Variants in ZNF682 observed in about 807,000 individuals in gnomAD.
ZNF682 encodes zinc finger protein 682.
A neutral mutation model predicts 36.5 loss-of-function variants in ZNF682; 29 were observed. The ratio of observed to expected loss-of-function variants is 0.80; its 90% CI spans 0.59 to 1.08. The LOEUF is 1.08. Among genes scored for constraint, ZNF682 ranks in the 50% least tolerant of loss-of-function variants. The probability of loss-of-function intolerance (pLI) is 0.00; values close to 1 mark genes in which losing one functional copy is unlikely to be tolerated. For synonymous variants in ZNF682, 180 were observed against 197.0 expected, an observed-to-expected ratio of 0.91 and a Z score of 0.72; for missense variants, 561 against 579.7, an observed-to-expected ratio of 0.97 and a Z score of 0.33.
chr19:20,024,373 G>C lies in ZNF682; in HGVS notation c.7C>G (p.Leu3Val), dbSNP rs749391900. Residue 3 changes from leucine (L) to valine (V), a missense_variant, in exon 2 of 4, where the codon CTG becomes GTG. Physicochemically the swap from Leu to Val is conservative, Grantham distance 32. Coordinates refer to ENST00000397165, the MANE Select transcript of ZNF682 (RefSeq NM_033196.3). ME[L>V]LTFRDVTIEF... The stretch of plus-strand genomic sequence containing the variant: ...ATGGTCACATCCCTGAATGTCAACA[G>C]TTCCTGAAAAACAAAACAAAACATA... The C allele has an allele frequency of 1.2e-6, 2 of 1,606,446 alleles. No individual in the cohort carries two copies. The highest frequency in any genetic ancestry group is 2.7e-5 in the African/African-American group (2 of 74,408).
At chr19:20,039,276 C>A in intron 1 of ZNF682, 67 bp downstream of exon 1, 2 of 1,601,880 alleles carry the variant, frequency 1.2e-6, no homozygotes, top group Non-Finnish European at 1.7e-6. Flanking sequence ...AGTCCCGTCA[C>A]TGCCGGTTCC....
chr19:20,010,825 C>T (rs890492126), intron 3 of ZNF682, among the ~76,000 whole-genome samples: 6 of 150,500 alleles, frequency 4.0e-5, no homozygotes, highest in East Asian at 3.9e-4. Context: ...ATTAGCTGGA[C>T]GTGGTGGTGT....
intron 3 of ZNF682, among the ~76,000 whole-genome samples, chr19:19,999,287 T>C (rs73924152): frequency 0.049 from 7,534 of 152,254 alleles, 636 homozygotes; most frequent in African/African-American, 0.17. Context: ...CTGTACTCCA[T>C]TGGACAGAAG....
intron 1 of ZNF682, among the ~76,000 whole-genome samples, chr19:20,024,654 A>G (rs1171786421): frequency 1.3e-5 from 2 of 152,194 alleles, no homozygotes; most frequent in East Asian, 3.9e-4. Context: ...CCTGGCCAAC[A>G]TGGTGAAACC....
intron 3 of ZNF682, among the ~76,000 whole-genome samples, chr19:20,016,539 G>T (rs2122341549): frequency 6.6e-6 from 1 of 151,936 alleles, no homozygotes; most frequent in African/African-American, 2.4e-5. Context: ...TTGTGGAACT[G>T]AATACAATAA....
At chr19:20,019,602 C>A (rs1599609932) in intron 3 of ZNF682, among the ~76,000 whole-genome samples, 1 of 152,002 alleles carries the variant, frequency 6.6e-6, no homozygotes, top group Admixed American at 6.6e-5. Flanking sequence ...ATATAAGGAA[C>A]TCATACAAAT....
chr19:19,997,675 C>T (rs796965072), intron 3 of ZNF682, among the ~76,000 whole-genome samples: 2 of 152,212 alleles, frequency 1.3e-5, no homozygotes, highest in Non-Finnish European at 2.9e-5. Flanking sequence ...AAAGAGCACA[C>T]CCCAAAAGGT....
intron 3 of ZNF682, among the ~76,000 whole-genome samples, chr19:20,021,235 G>A (rs1322350625): frequency 6.6e-6 from 1 of 152,206 alleles, no homozygotes; most frequent in Non-Finnish European, 1.5e-5. Context: ...TGCTCCATAT[G>A]CTTAAATTTT....
chr19:20,014,717 T>C (rs1234712946), intron 3 of ZNF682, among the ~76,000 whole-genome samples: 1 of 149,424 alleles, frequency 6.7e-6, no homozygotes, highest in Non-Finnish European at 1.5e-5. Context: ...GAGGCGGAGG[T>C]TGAAGTGAGC....
intron 3 of ZNF682, among the ~76,000 whole-genome samples, chr19:20,017,153 GA>G: frequency 6.6e-6 from 1 of 151,434 alleles, no homozygotes; most frequent in South Asian, 2.1e-4. Context: ...GGAAATGAGG[GA>G]AAACGTATTT....
At chr19:19,996,913 TAGAA>T (rs1206692922), downstream of ZNF682, 1 of 265,662 alleles carries the variant, frequency 3.8e-6, no homozygotes, top group Non-Finnish European at 7.0e-6. Context: ...CCCTAAATAA[TAGAA>T]AGCCCTGTGC....
chr19:20,039,086 G>A (rs993939026), intron 1 of ZNF682: 11 of 1,322,592 alleles, frequency 8.3e-6, no homozygotes, highest in Non-Finnish European at 9.8e-6. Flanking sequence ...ACGCAAGAAC[G>A]CGCGCGGCTC....
Position 20,024,316 on chromosome 19 carries a change from T to C in ZNF682, c.64A>G (p.Asn22Asp), listed in dbSNP as rs1342903691. The change falls in exon 2 of 4, where the codon AAC becomes GAC. Residue 22 changes from asparagine to aspartate, a missense_variant. Coordinates refer to ENST00000397165, the MANE Select transcript of ZNF682 (RefSeq NM_033196.3). The part of the protein sequence containing the change: ...EFSLEEWEFL[N>D]PAQQSLYRKV... ...CTATACAAACTCTGCTGAGCAGGGT[T>C]CAGAAACTCCCACTCCTCCAGAGAG... 4 of 1,614,024 alleles carry C rather than the reference T, an allele frequency of 2.5e-6. No individual in the cohort carries two copies. The highest frequency in any genetic ancestry group is 3.4e-6 in the Non-Finnish European group (4 of 1,179,936).
intron 3 of ZNF682, chr19:20,007,631 G>A (rs143483017): frequency 2.3e-4 from 45 of 194,448 alleles, no homozygotes; most frequent in Admixed American, 5.4e-4. Context: ...GGACCTCTGA[G>A]ATTCTCACTT....
chr19:20,028,516 C>T (rs1005533938), intron 1 of ZNF682, among the ~76,000 whole-genome samples: 1 of 152,088 alleles, frequency 6.6e-6, no homozygotes, highest in Admixed American at 6.6e-5. Flanking sequence ...CCAGTCAATT[C>T]TGCAGGCTTG....
At chr19:20,001,106 G>GA (rs2088165700), downstream of ZNF682, among the ~76,000 whole-genome samples, 2 of 152,314 alleles carry the variant, frequency 1.3e-5, no homozygotes, top group Non-Finnish European at 2.9e-5. Context: ...GTGGCAACTT[G>GA]GTTAGGTGGA....
downstream of ZNF682, among the ~76,000 whole-genome samples, chr19:19,999,449 G>C (rs1351143760): frequency 3.9e-5 from 6 of 152,120 alleles, no homozygotes; most frequent in African/African-American, 1.4e-4. Flanking sequence ...AAGTTGGTTG[G>C]AACTAATATG....
intron 3 of ZNF682, among the ~76,000 whole-genome samples, chr19:20,018,042 T>TA (rs2088349756): frequency 6.6e-6 from 1 of 151,732 alleles, no homozygotes; most frequent in African/African-American, 2.4e-5. Flanking sequence ...TTTTTATTTT[T>TA]TTTTTTTGCA....
chr19:20,013,643 C>A (rs959618602), intron 3 of ZNF682, among the ~76,000 whole-genome samples: 1 of 152,162 alleles, frequency 6.6e-6, no homozygotes, highest in African/African-American at 2.4e-5. Flanking sequence ...CGCAGTGGCG[C>A]GATCTGGGCT....
Sources: allele counts gnomAD v4.1 joint callset (sites outside exome capture counted in the v4.1 genomes callset), GRCh38; gene constraint gnomAD v4.1.1; transcripts MANE v1.5; gene names NCBI Gene and HGNC (gene_info 2026-07-23, HGNC 2026-07-21).